Variants in ZNF483 observed in about 807,000 individuals in gnomAD.
ZNF483 encodes zinc finger protein HIT-10.
In ZNF483, 9 loss-of-function variants were observed where a neutral mutation model predicts 28.6. The ratio of observed to expected loss-of-function variants is 0.32; its 90% confidence interval spans 0.19 to 0.55. The LOEUF is 0.55. Among genes scored for constraint, ZNF483 ranks in the 20% least tolerant of loss-of-function variants. ZNF483 has a pLI of 0.93. For missense variants in ZNF483, 675 were observed against 871.7 expected (o/e 0.77, Z 2.84); for synonymous variants, 322 against 306.2 (o/e 1.05, Z -0.54).
At chr9:111,535,969 C>T (rs1045001786) in intron 5 of ZNF483, among the ~76,000 whole-genome samples, 3 of 150,300 alleles carry the variant, frequency 2.0e-5, no homozygotes, top group African/African-American at 7.3e-5. Context: ...TCACTGCAAC[C>T]TCTGCCTCCT....
downstream of ZNF483, among the ~76,000 whole-genome samples, chr9:111,557,419 C>T (rs747588985): frequency 5.4e-5 from 8 of 147,770 alleles, no homozygotes; most frequent in Non-Finnish European, 1.2e-4. Context: ...AGGTACCATG[C>T]CGTTGAACAG....
At chr9:111,567,543 G>A (rs1337171019) in intron 5 of ZNF483, among the ~76,000 whole-genome samples, 3 of 151,568 alleles carry the variant, frequency 2.0e-5, no homozygotes, top group African/African-American at 4.9e-5. Flanking sequence ...AGCAGTTACA[G>A]AGGGGTGGAG....
rs1022483891 is a variant in ZNF483 at position 111,552,547 on chromosome 9, T to C, written c.*9377T>C. On this transcript the variant is annotated 3_prime_UTR_variant, in exon 6 of 6. Coordinates refer to ENST00000309235, the MANE Select transcript of ZNF483 (RefSeq NM_133464.5). ...TCCTTGTGATAGAAACTAACTTTTC[T>C]GTCTCTAACTGAAATTCTTTGACAG... Among the ~76,000 whole-genome samples the C allele has an allele frequency of 3.9e-5, 6 of 152,238 alleles. No individual in the cohort carries two copies. Among genetic ancestry groups the C allele is most frequent in the Admixed American group, 3.9e-4 (6 of 15,286 alleles).
downstream of ZNF483, among the ~76,000 whole-genome samples, chr9:111,556,301 C>T (rs1265762850): frequency 6.6e-6 from 1 of 152,246 alleles, no homozygotes; most frequent in Non-Finnish European, 1.5e-5. Flanking sequence ...CCCATGGCTG[C>T]TCTCAAGGCC....
chr9:111,574,604 TAA>T (rs35972893), intron 5 of ZNF483: 9,417 of 477,178 alleles, frequency 0.02, no homozygotes, highest in South Asian at 0.027. Context: ...GACTCTGTCT[TAA>T]AAAAAAAAAA....
chr9:111,558,566 C>T (rs12336125), downstream of ZNF483, among the ~76,000 whole-genome samples: 48,821 of 151,996 alleles, frequency 0.32, 8,883 homozygotes, highest in Non-Finnish European at 0.42. Flanking sequence ...CTACCCCAGC[C>T]CCAGAACAAA....
At chr9:111,572,692 G>A (rs1329098146) in intron 5 of ZNF483, among the ~76,000 whole-genome samples, 6 of 148,648 alleles carry the variant, frequency 4.0e-5, no homozygotes, top group South Asian at 4.3e-4. Flanking sequence ...AGAAGGTGGA[G>A]GCTGCAGTGA....
Position 111,544,012 on chromosome 9 carries a change from G to A in ZNF483, c.*842G>A. On this transcript the variant is annotated 3_prime_UTR_variant, in exon 6 of 6. Coordinates refer to ENST00000309235, the MANE Select transcript of ZNF483 (RefSeq NM_133464.5). ...CCTCAAATGCTGTAACTAGGAATGG[G>A]TCAGTGAAGTTCAAACGACTTTTCC... 1.0e-6 allele frequency: 1 copy of A among 985,354 alleles called. No homozygotes were observed. Among genetic ancestry groups the A allele is most frequent in the South Asian group, 4.7e-5 (1 of 21,286 alleles). The allele number at this position is 985,354 out of a possible 1,614,324, so 61.0% of individuals were successfully genotyped here. A position where few individuals can be genotyped will look rare whatever the true frequency, so the allele number is the denominator to read the frequency against.
At position 111,534,370 on chromosome 9, in the gene ZNF483, T is replaced by C. The variant is rs573290154; in HGVS notation, c.721+17T>C. On this transcript the variant is annotated intron_variant, in intron 5 of 5. Transcript: ENST00000309235. ...CCCGACTAGGTGAGTTGGTGAAAAA[T>C]ACACAACGAAATTAAAGCAGTTGTT... The C allele has an allele frequency of 6.2e-7, 1 of 1,606,596 alleles. No individual in the cohort carries two copies. Among genetic ancestry groups the C allele is most frequent in the African/African-American group, 1.3e-5 (1 of 74,848 alleles).
intron 5 of ZNF483, among the ~76,000 whole-genome samples, chr9:111,572,157 A>C (rs1305461971): frequency 6.6e-6 from 1 of 152,240 alleles, no homozygotes; most frequent in African/African-American, 2.4e-5. Context: ...TGAGGAAAGT[A>C]ACATTAGCAG....
chr9:111,570,975 AG>A (rs1372737829), intron 5 of ZNF483, among the ~76,000 whole-genome samples: 1 of 152,212 alleles, frequency 6.6e-6, no homozygotes, highest in Non-Finnish European at 1.5e-5. Context: ...CCTGGCTTTG[AG>A]GACAGAGGAA....
downstream of ZNF483, among the ~76,000 whole-genome samples, chr9:111,558,047 T>A (rs1302093924): frequency 6.6e-6 from 1 of 152,084 alleles, no homozygotes; most frequent in Non-Finnish European, 1.5e-5. Flanking sequence ...CTCAGGAGGC[T>A]GAGGCAGGAA....
chr9:111,559,589 C>A (rs1178124734), downstream of ZNF483, among the ~76,000 whole-genome samples: 1 of 132,868 alleles, frequency 7.5e-6, no homozygotes, highest in African/African-American at 3.1e-5. Flanking sequence ...AGTGTCCACA[C>A]ACACACACTC....
rs1393074884 is a variant in ZNF483, at chr9:111,541,646, A to G, written c.722-11A>G. ...GCAAACAGGAAATATTCTATTTCTT[A>G]TATCTTTTAGATGAATCAGCTTTAG... On this transcript the variant is annotated splice_polypyrimidine_tract_variant and intron_variant, in intron 5 of 5. Coordinates refer to ENST00000309235, the MANE Select transcript of ZNF483 (RefSeq NM_133464.5). The G allele has an allele frequency of 1.9e-6, 3 of 1,572,666 alleles. No individual in the cohort carries two copies. Among genetic ancestry groups the G allele is most frequent in the African/African-American group, 2.8e-5 (2 of 72,592 alleles).
At chr9:111,557,388 A>G (rs76935032), downstream of ZNF483, among the ~76,000 whole-genome samples, 1 of 152,038 alleles carries the variant, frequency 6.6e-6, no homozygotes, top group South Asian at 2.1e-4. Flanking sequence ...AAAAAAAAAA[A>G]GATGACTTGA....
chr9:111,527,713 G>A lies in ZNF483; in HGVS notation c.318G>A (p.Gly106=). Residue 106 remains glycine (G), a synonymous_variant, in exon 2 of 6, where the codon GGG becomes GGA. Coordinates refer to ENST00000309235, the MANE Select transcript of ZNF483 (RefSeq NM_133464.5). ...VFEQFLTILP[G]EIRIWVKSQH... ...AGCAGTTCCTGACCATTTTGCCTGGGGAGATCAGGATTTGGGTAAAGTCAC... is the reference window on the plus strand; with the variant it reads ...AGCAGTTCCTGACCATTTTGCCTGGAGAGATCAGGATTTGGGTAAAGTCAC... 1 of 1,614,114 alleles carries A rather than the reference G, an allele frequency of 6.2e-7. No homozygotes were observed. The highest frequency in any genetic ancestry group is 2.2e-5 in the East Asian group (1 of 44,884).
chr9:111,570,100 C>T lies in ZNF483; in HGVS notation c.722-6265C>T, dbSNP rs1828742675. On this transcript the variant is annotated intron_variant, in intron 5 of 5. Coordinates refer to the ZNF483 transcript ENST00000358151. ...CTCCGGAGCTCCTTACCTCTAAGACCCATTTCAGCAAGTCCTTCAGAGCTT... is the reference window on the plus strand; with the variant it reads ...CTCCGGAGCTCCTTACCTCTAAGACTCATTTCAGCAAGTCCTTCAGAGCTT... The T allele has an allele frequency of 1.9e-6, 3 of 1,613,958 alleles. No individual in the cohort carries two copies. The Admixed American group carries it at 5.0e-5, about 27-fold the overall frequency.
In ZNF483 at chr9:111,545,856, G is replaced by C. The variant is rs1336591067; in HGVS notation, c.*2686G>C. 2.0e-5 allele frequency among the ~76,000 whole-genome samples: 3 copies of C among 152,262 alleles called. No homozygotes were observed. The East Asian group carries it at 5.8e-4, about 29-fold the overall frequency. On this transcript the variant is annotated 3_prime_UTR_variant, in exon 6 of 6. Coordinates refer to ENST00000309235, the MANE Select transcript of ZNF483 (RefSeq NM_133464.5). ...TGCTGCTTTGAACATTGGTATGCAA[G>C]TGTTTTGAACGTTAGTGTACAAGTC...
At position 111,544,749 on chromosome 9, in the gene ZNF483, C is replaced by T. The variant is rs568866214; in HGVS notation, c.*1579C>T. On this transcript the variant is annotated 3_prime_UTR_variant, in exon 6 of 6. Transcript: ENST00000309235. ...TTAGACCTCAGAGGAATGGAATATACGGGTATTGGTGGATTATTCCTTATA... is the reference window on the plus strand; with the variant it reads ...TTAGACCTCAGAGGAATGGAATATATGGGTATTGGTGGATTATTCCTTATA... Among the ~76,000 whole-genome samples, 9 of 152,152 alleles carry T rather than the reference C, an allele frequency of 5.9e-5. No individual in the cohort carries two copies. Among genetic ancestry groups the T allele is most frequent in the East Asian group, 3.9e-4 (2 of 5,184 alleles).
Sources: gnomAD v4.1 joint callset for allele counts (sites outside exome capture counted in the v4.1 genomes callset) on GRCh38, gnomAD v4.1.1 for gene constraint, MANE v1.5 for transcripts, NCBI Gene and HGNC (gene_info 2026-07-23, HGNC 2026-07-21) for gene names.